PRKN: variants seen among roughly 807,000 people sequenced by gnomAD.
The protein encoded by PRKN is E3 ubiquitin-protein ligase parkin.
PRKN carries 56 observed loss-of-function variants against 59.5 expected under a neutral mutation model. That is an observed-to-expected ratio of 0.94 (90% CI 0.76 to 1.18). The LOEUF (loss-of-function observed/expected upper bound fraction) is 1.18, where lower values mean the gene tolerates loss of function less well. Among genes scored for constraint, PRKN ranks in the 50% most tolerant of loss-of-function variants. PRKN has a pLI of 0.00. For synonymous variants in PRKN, 250 were observed against 222.1 expected, an observed-to-expected ratio of 1.13 and a Z score of -1.12; for missense variants, 657 against 596.4, an observed-to-expected ratio of 1.10 and a Z score of -1.06.
chr6:162,354,229 G>A (rs1164116496), intron 2 of PRKN, among the ~76,000 whole-genome samples: 1 of 152,118 alleles, frequency 6.6e-6, no homozygotes, highest in African/African-American at 2.4e-5. Context: ...AAAACTAAGA[G>A]AGTGGTTGTT....
At chr6:162,375,175 T>TA (rs1785993458) in intron 2 of PRKN, among the ~76,000 whole-genome samples, 1 of 152,102 alleles carries the variant, frequency 6.6e-6, no homozygotes, top group Non-Finnish European at 1.5e-5. Context: ...AGAGACCTAA[T>TA]AAGTCATGTA....
At position 161,529,327 on chromosome 6, in the gene PRKN, T is replaced by C. The variant is rs1779121671; in HGVS notation, c.1083+19527A>G. 6.6e-6 allele frequency among the ~76,000 whole-genome samples: 1 copy of C among 152,074 alleles called. No homozygotes were observed. Among genetic ancestry groups the C allele is most frequent in the Non-Finnish European group, 1.5e-5 (1 of 68,028 alleles). On this transcript the variant is annotated intron_variant, in intron 9 of 11. Transcript: ENST00000366898. This position sits in a 1 kb window ranked among gnomAD's most constrained non-coding sequence, Gnocchi z 4.4. ...GCTGTGTCCCTCCAGCTGCCTCACC[T>C]GGGGCCGCAGTAAGCACCAAGTTCA... is the stretch of plus-strand genomic sequence containing the variant.
At chr6:162,303,152 T>C (rs981927394) in intron 2 of PRKN, among the ~76,000 whole-genome samples, 12 of 152,212 alleles carry the variant, frequency 7.9e-5, no homozygotes, top group South Asian at 4.1e-4. Flanking sequence ...AATATTTTAA[T>C]GGCAATAGTT....
chr6:162,351,462 C>G (rs1784622554), intron 2 of PRKN, among the ~76,000 whole-genome samples: 1 of 152,148 alleles, frequency 6.6e-6, no homozygotes, highest in Non-Finnish European at 1.5e-5. Context: ...TATAAAACAA[C>G]TAGAATTCAT....
intron 7 of PRKN, among the ~76,000 whole-genome samples, chr6:161,610,994 A>C (rs889638070): frequency 6.6e-6 from 1 of 152,128 alleles, no homozygotes; most frequent in Non-Finnish European, 1.5e-5. Context: ...CGGGGATAGG[A>C]TCTGATTTGC....
At position 162,065,279 on chromosome 6, in the gene PRKN, C is replaced by A. The variant is rs147867516; in HGVS notation, c.535-11105G>T. Among the ~76,000 whole-genome samples, 9 of 152,290 alleles carry A rather than the reference C, an allele frequency of 5.9e-5. No homozygotes were observed. The East Asian group carries it at 9.7e-4, about 16-fold the overall frequency. On this transcript the variant is annotated intron_variant, in intron 4 of 11. Transcript: ENST00000366898. ...CCCCTGGCAAACCACTGGTGTAAAT[C>A]TAAGAGTCCAAAGGCTGAAGAACCT...
intron 1 of PRKN, among the ~76,000 whole-genome samples, chr6:162,519,928 T>C (rs62429614): frequency 0.014 from 2,081 of 152,300 alleles, 36 homozygotes; most frequent in Admixed American, 0.055. Flanking sequence ...TAATTGAAGA[T>C]ATCAAAATAT....
At chr6:161,864,382 A>C (rs1794028253) in intron 6 of PRKN, among the ~76,000 whole-genome samples, 1 of 152,120 alleles carries the variant, frequency 6.6e-6, no homozygotes, top group Non-Finnish European at 1.5e-5. Flanking sequence ...CACCTGTTCA[A>C]GTTTGATTAT....
chr6:162,566,488 T>C (rs1318973192), intron 1 of PRKN, among the ~76,000 whole-genome samples: 1 of 152,252 alleles, frequency 6.6e-6, no homozygotes, highest in South Asian at 2.1e-4. Flanking sequence ...GGATCATTAG[T>C]GGCTACTATG....
intron 10 of PRKN, among the ~76,000 whole-genome samples, chr6:161,375,142 C>A (rs116425908): frequency 0.013 from 2,008 of 152,158 alleles, 41 homozygotes; most frequent in African/African-American, 0.046. Flanking sequence ...GCAGGCCATG[C>A]CCCTCAAGGC....
chr6:162,163,609 C>A lies in PRKN; in HGVS notation c.534+37522G>T, dbSNP rs529643066. 1.3e-5 allele frequency among the ~76,000 whole-genome samples: 2 copies of A among 149,144 alleles called. 1 individual carries two copies. Among genetic ancestry groups the A allele is most frequent in the Non-Finnish European group, 3.0e-5 (2 of 67,440 alleles). ...TGTATGAGAACAGCCAGAAATCATTCTTCTAAAAAATAGTTTTAAGCAGAA... is the reference window on the plus strand; with the variant it reads ...TGTATGAGAACAGCCAGAAATCATTATTCTAAAAAATAGTTTTAAGCAGAA... On this transcript the variant is annotated intron_variant, in intron 4 of 11. Transcript: ENST00000366898.
chr6:162,148,135 T>A (rs1340231997), intron 4 of PRKN, among the ~76,000 whole-genome samples: 1 of 152,224 alleles, frequency 6.6e-6, no homozygotes, highest in East Asian at 1.9e-4. Flanking sequence ...TCTGTGCCTA[T>A]AAAACAACCA....
At chr6:161,520,125 T>C (rs1562501180) in intron 9 of PRKN, among the ~76,000 whole-genome samples, 1 of 152,106 alleles carries the variant, frequency 6.6e-6, no homozygotes. Context: ...AGGCCATGCT[T>C]ATGAGTCTTC....
chr6:162,449,019 C>T (rs1790459239), intron 1 of PRKN, among the ~76,000 whole-genome samples: 1 of 152,012 alleles, frequency 6.6e-6, no homozygotes, highest in Admixed American at 6.6e-5. Flanking sequence ...TCCCGAGTAC[C>T]TGCGATTACA....
intron 5 of PRKN, among the ~76,000 whole-genome samples, chr6:162,050,090 T>G (rs956262065): frequency 6.6e-6 from 1 of 152,156 alleles, no homozygotes; most frequent in Non-Finnish European, 1.5e-5. Flanking sequence ...ACCTCAAAAG[T>G]CTCCTTTTCC....
rs73013490 is a variant in PRKN at position 161,711,440 on chromosome 6, C to T, written c.871+74332G>A. Among the ~76,000 whole-genome samples, 874 of 152,088 alleles carry T rather than the reference C, an allele frequency of 5.7e-3. 6 individuals carry two copies. Among genetic ancestry groups the T allele is most frequent in the Non-Finnish European group, 8.0e-3 (545 of 67,998 alleles). On this transcript the variant is annotated intron_variant, in intron 7 of 11. Coordinates refer to ENST00000366898, the MANE Select transcript of PRKN (RefSeq NM_004562.3). The stretch of plus-strand genomic sequence containing the variant: ...ATACAGAATGTGTCAGAAGAGAAGT[C>T]GTCATATGTGGAAAAGAGGTTTAAC...
chr6:162,720,743 C>T (rs1435873726), intron 1 of PRKN, among the ~76,000 whole-genome samples: 2 of 152,142 alleles, frequency 1.3e-5, no homozygotes, highest in East Asian at 1.9e-4. Context: ...AGCCACCGCG[C>T]CCGGCCCATA....
At chr6:161,743,755 C>T (rs571467122) in intron 7 of PRKN, among the ~76,000 whole-genome samples, 193 of 152,254 alleles carry the variant, frequency 1.3e-3, no homozygotes, top group Non-Finnish European at 1.8e-3. Context: ...AGGGGAAGTA[C>T]ATGCATATGT....
intron 4 of PRKN, among the ~76,000 whole-genome samples, chr6:162,158,201 A>G (rs1782603303): frequency 6.6e-6 from 1 of 152,026 alleles, no homozygotes; most frequent in African/African-American, 2.4e-5. Context: ...GATGGATGTG[A>G]TCTATCATAT....
Sources: gnomAD v4.1 joint callset for allele counts (sites outside exome capture counted in the v4.1 genomes callset) on GRCh38, gnomAD v4.1.1 for gene constraint, Gnocchi (gnomAD v3.1) non-coding constraint, MANE v1.5 for transcripts, NCBI Gene and HGNC (gene_info 2026-07-23, HGNC 2026-07-21) for gene names.